Variants in ITPR2 observed in about 807,000 individuals in gnomAD.
ITPR2 encodes inositol 1,4,5-trisphosphate-gated calcium channel ITPR2.
A neutral mutation model predicts 317.1 loss-of-function variants in ITPR2; 207 were observed. The observed-to-expected ratio is 0.65, with a 90% CI of 0.58 to 0.73. ITPR2 has a LOEUF of 0.73. Among genes scored for constraint, ITPR2 ranks in the 30% least tolerant of loss-of-function variants. The probability of loss-of-function intolerance (pLI) is 0.00; values close to 1 mark genes in which losing one functional copy is unlikely to be tolerated. For missense variants in ITPR2, 2,613 were observed against 3,284.0 expected (o/e 0.80, Z 4.99); for synonymous variants, 1,156 against 1,149.1 (o/e 1.01, Z -0.12).
intron 41 of ITPR2, among the ~76,000 whole-genome samples, chr12:26,484,862 C>T (rs1942630371): frequency 6.6e-6 from 1 of 152,108 alleles, no homozygotes; most frequent in Non-Finnish European, 1.5e-5. Flanking sequence ...CAGGTGCCAG[C>T]CACCACGCCC....
chr12:26,420,914 T>C lies in ITPR2; in HGVS notation c.6946-1701A>G, dbSNP rs925694253. On this transcript the variant is annotated intron_variant, in intron 49 of 56. Coordinates refer to ENST00000381340, the MANE Select transcript of ITPR2 (RefSeq NM_002223.4). ...TGTTTTGAATGCCATTATTTAAATG[T>C]GTACTATTTACCTTGATTCATCCAC... Among the ~76,000 whole-genome samples, 6 of 152,180 alleles carry C rather than the reference T, an allele frequency of 3.9e-5. No individual in the cohort carries two copies. In the South Asian group the frequency reaches 6.2e-4, roughly 16 times the overall value.
At chr12:26,343,054 C>T (rs745469936) in intron 55 of ITPR2, among the ~76,000 whole-genome samples, 11 of 152,236 alleles carry the variant, frequency 7.2e-5, no homozygotes, top group East Asian at 5.8e-4. Flanking sequence ...CATATTTTGA[C>T]GCAGCACAAA....
chr12:26,485,089 T>C (rs552141893), intron 41 of ITPR2, among the ~76,000 whole-genome samples: 3 of 149,988 alleles, frequency 2.0e-5, no homozygotes, highest in Non-Finnish European at 4.4e-5. Flanking sequence ...CATAAAAATT[T>C]CTAGAAGAAA....
chr12:26,403,134 A>T (rs913502151), intron 52 of ITPR2, among the ~76,000 whole-genome samples: 1 of 152,198 alleles, frequency 6.6e-6, no homozygotes, highest in Non-Finnish European at 1.5e-5. Flanking sequence ...AGTAAAACCA[A>T]TGAGGGAAGA....
chr12:26,553,641 T>A (rs1944585041), intron 36 of ITPR2, among the ~76,000 whole-genome samples: 1 of 151,998 alleles, frequency 6.6e-6, no homozygotes, highest in African/African-American at 2.4e-5. Context: ...AAAAATTAGC[T>A]GGGCTTGGTG....
intron 45 of ITPR2, among the ~76,000 whole-genome samples, chr12:26,460,672 A>G (rs1941996306): frequency 6.6e-6 from 1 of 152,176 alleles, no homozygotes; most frequent in Admixed American, 6.5e-5. Context: ...TATCCAGGAT[A>G]TACGGTAAAA....
chr12:26,689,165 C>T (rs2136976180), intron 10 of ITPR2, among the ~76,000 whole-genome samples: 1 of 152,198 alleles, frequency 6.6e-6, no homozygotes, highest in South Asian at 2.1e-4. Context: ...GCCTATAATC[C>T]TAGCACTTTG....
intron 45 of ITPR2, among the ~76,000 whole-genome samples, chr12:26,463,538 A>C (rs1202653643): frequency 6.6e-6 from 1 of 151,604 alleles, no homozygotes; most frequent in Non-Finnish European, 1.5e-5. Context: ...GGTGGCATGC[A>C]CCTGCAATCC....
chr12:26,501,072 A>G (rs1943060637), intron 37 of ITPR2, among the ~76,000 whole-genome samples: 1 of 152,202 alleles, frequency 6.6e-6, no homozygotes, highest in Non-Finnish European at 1.5e-5. Context: ...ATGTAATAAA[A>G]ACTGCAAACT....
At chr12:26,765,043 T>C (rs1372062312) in intron 2 of ITPR2, among the ~76,000 whole-genome samples, 1 of 152,088 alleles carries the variant, frequency 6.6e-6, no homozygotes, top group Non-Finnish European at 1.5e-5. Context: ...GGCCCTTCCA[T>C]CTAAATCTGT....
intron 55 of ITPR2, among the ~76,000 whole-genome samples, chr12:26,381,283 C>T (rs1337424943): frequency 6.6e-6 from 1 of 152,240 alleles, no homozygotes; most frequent in Non-Finnish European, 1.5e-5. Context: ...TGCAATGTCT[C>T]ACATCTATCT....
chr12:26,658,732 C>T (rs1947429559), intron 16 of ITPR2, among the ~76,000 whole-genome samples: 1 of 152,178 alleles, frequency 6.6e-6, no homozygotes, highest in Non-Finnish European at 1.5e-5. Context: ...TCAGGGTACG[C>T]TTGGGCAAGT....
intron 55 of ITPR2, among the ~76,000 whole-genome samples, chr12:26,356,602 T>C (rs1255403445): frequency 6.6e-6 from 1 of 152,230 alleles, no homozygotes; most frequent in Non-Finnish European, 1.5e-5. Flanking sequence ...GAAACAACTG[T>C]TGATCATGCA....
chr12:26,749,228 G>A (rs768565374), intron 2 of ITPR2, among the ~76,000 whole-genome samples: 4 of 152,166 alleles, frequency 2.6e-5, no homozygotes, highest in Admixed American at 6.5e-5. Context: ...ACTTTTAAAT[G>A]TCCAAGCCAG....
chr12:26,491,962 A>G (rs927543270), intron 39 of ITPR2, among the ~76,000 whole-genome samples: 7 of 152,352 alleles, frequency 4.6e-5, no homozygotes, highest in Admixed American at 2.6e-4. Context: ...TAAGTTCAGA[A>G]GCATCCAAAC....
chr12:26,568,012 A>ATTATATATATTT (rs1945051989), intron 34 of ITPR2, among the ~76,000 whole-genome samples: 1 of 8,078 alleles, frequency 1.2e-4, no homozygotes, highest in South Asian at 2.8e-3. Flanking sequence ...TATATTATAT[A>ATTATATATATTT]TATATATATA....
Position 26,578,758 on chromosome 12 carries a change from G to A in ITPR2, c.4585C>T (p.Gln1529Ter). Residue 1529 changes from glutamine (Q) to a stop codon, truncating the protein, a stop_gained, in exon 34 of 57, where the codon CAG becomes TAG. Transcript: ENST00000381340. LOFTEE classifies it high-confidence loss of function. The stretch of plus-strand genomic sequence containing the variant: ...ATACAGGATTCCACTGAGGCTTTCT[G>A]CGCTGGGTTTGGCCAGGTGCAATTG... ...IYNCTWPNPA[Q>*]KASVESCIRT... 1 of 1,611,586 alleles carries A rather than the reference G, an allele frequency of 6.2e-7. No homozygotes were observed.
chr12:26,716,035 A>G, intron 6 of ITPR2, 109 bp downstream of exon 6: 1 of 774,502 alleles, frequency 1.3e-6, no homozygotes, highest in Non-Finnish European at 2.1e-6. Flanking sequence ...ATTAATTAGA[A>G]TAACTGGGAT....
At chr12:26,817,054 A>G (rs1339515339) in intron 1 of ITPR2, among the ~76,000 whole-genome samples, 2 of 151,848 alleles carry the variant, frequency 1.3e-5, no homozygotes, top group African/African-American at 2.4e-5. Context: ...GGTGGCATGC[A>G]CCTGTAGTCC....
Sources: allele counts gnomAD v4.1 joint callset (sites outside exome capture counted in the v4.1 genomes callset), GRCh38; gene constraint gnomAD v4.1.1; transcripts MANE v1.5; gene names NCBI Gene and HGNC (gene_info 2026-07-23, HGNC 2026-07-21).